Variants in RBMS3 observed in about 807,000 individuals in gnomAD.
RBMS3 encodes RNA-binding motif, single-stranded-interacting protein 3.
In RBMS3, 27 loss-of-function variants were observed where a neutral mutation model predicts 66.8. The observed-to-expected ratio is 0.40, with a 90% CI of 0.30 to 0.56. RBMS3 has a LOEUF of 0.56. RBMS3 is among the 20% of genes least tolerant of loss of function. The probability of loss-of-function intolerance (pLI) is 0.40; values close to 1 mark genes in which losing one functional copy is unlikely to be tolerated. For missense variants in RBMS3, 513 were observed against 549.5 expected (o/e 0.93, Z 0.66); for synonymous variants, 188 against 183.0 (o/e 1.03, Z -0.22).
chr3:29,684,779 T>TACACACACAC (rs10570309), intron 4 of RBMS3, among the ~76,000 whole-genome samples: 157 of 145,764 alleles, frequency 1.1e-3, no homozygotes, highest in African/African-American at 3.3e-3. Flanking sequence ...GTTTGTTATG[T>TACACACACAC]ACACACACAC....
At chr3:29,659,917 G>A (rs1173269420) in intron 4 of RBMS3, among the ~76,000 whole-genome samples, 5 of 152,098 alleles carry the variant, frequency 3.3e-5, no homozygotes, top group Non-Finnish European at 7.4e-5. Context: ...TTTCTTGATA[G>A]CAGCCATCCT....
chr3:30,003,778 C>A, intron 14 of RBMS3, 78 bp from the exon 15 acceptor site: 1 of 1,045,800 alleles, frequency 9.6e-7, no homozygotes, highest in East Asian at 2.8e-5. Flanking sequence ...TTAAAGCTGC[C>A]TCATTGGAAA....
chr3:29,786,283 A>C (rs1376424667), intron 6 of RBMS3, among the ~76,000 whole-genome samples: 1 of 152,138 alleles, frequency 6.6e-6, no homozygotes, highest in Non-Finnish European at 1.5e-5. Flanking sequence ...GTAAAAATTC[A>C]GTGCAATTCC....
At chr3:29,888,395 C>A in intron 8 of RBMS3, among the ~76,000 whole-genome samples, 1 of 151,704 alleles carries the variant, frequency 6.6e-6, no homozygotes, top group East Asian at 1.9e-4. Context: ...TCTTTCCTCA[C>A]TTTATTTTCT....
intron 3 of RBMS3, among the ~76,000 whole-genome samples, chr3:29,535,710 C>CTGTTTTTT (rs2045527677): frequency 2.5e-5 from 1 of 39,732 alleles, no homozygotes; most frequent in Admixed American, 5.1e-4. Flanking sequence ...GATCATTGCT[C>CTGTTTTTT]TTTTTTTTTT....
At chr3:29,344,614 A>C (rs1257476907) in intron 1 of RBMS3, among the ~76,000 whole-genome samples, 1 of 152,086 alleles carries the variant, frequency 6.6e-6, no homozygotes, top group African/African-American at 2.4e-5. Flanking sequence ...TCAATTAGCT[A>C]TTATGTGCAA....
intron 4 of RBMS3, among the ~76,000 whole-genome samples, chr3:29,719,931 A>T (rs79226441): frequency 2.9e-4 from 42 of 146,492 alleles, no homozygotes; most frequent in African/African-American, 9.8e-4. Context: ...TTACAGATAC[A>T]TTTTTTTTTT....
At chr3:29,438,028 T>TTTTC (rs146912044) in intron 2 of RBMS3, among the ~76,000 whole-genome samples, 4,090 of 142,490 alleles carry the variant, frequency 0.029, 105 homozygotes, top group East Asian at 0.14. Flanking sequence ...CCTTGCTTGT[T>TTTTC]TCTCTCTCTC....
At chr3:29,602,088 T>G (rs779726350) in intron 4 of RBMS3, among the ~76,000 whole-genome samples, 6 of 152,060 alleles carry the variant, frequency 3.9e-5, no homozygotes, top group Non-Finnish European at 8.8e-5. Context: ...TTCTGTTTCA[T>G]ACTCCTCTTG....
At chr3:29,942,463 C>T (rs2061414114) in intron 11 of RBMS3, among the ~76,000 whole-genome samples, 1 of 151,624 alleles carries the variant, frequency 6.6e-6, no homozygotes, top group African/African-American at 2.4e-5. Flanking sequence ...TTTGAGGTTA[C>T]AGTGAGCTAT....
At chr3:29,816,563 C>T (rs1447061518) in intron 6 of RBMS3, among the ~76,000 whole-genome samples, 1 of 151,972 alleles carries the variant, frequency 6.6e-6, no homozygotes, top group Non-Finnish European at 1.5e-5. Flanking sequence ...TTGTTATTTG[C>T]TCTGTTGAAG....
intron 1 of RBMS3, among the ~76,000 whole-genome samples, chr3:29,303,803 C>T (rs546147059): frequency 4.8e-4 from 73 of 151,954 alleles, no homozygotes; most frequent in South Asian, 1.0e-3. Context: ...CAGAGATAAC[C>T]GACACTGGGA....
chr3:29,633,926 T>C (rs1027702587), intron 4 of RBMS3, among the ~76,000 whole-genome samples: 2 of 151,932 alleles, frequency 1.3e-5, no homozygotes, highest in East Asian at 3.9e-4. Context: ...CATCTTTTTT[T>C]CTAAAAGAGC....
chr3:29,814,634 T>G (rs2057825827), intron 6 of RBMS3, among the ~76,000 whole-genome samples: 1 of 152,232 alleles, frequency 6.6e-6, no homozygotes, highest in South Asian at 2.1e-4. Flanking sequence ...GTTGGTAAGC[T>G]ACTGATTATT....
rs543438035 is a variant in RBMS3, at chr3:29,450,010, A to G, written c.248+15095A>G. On this transcript the variant is annotated intron_variant, in intron 2 of 14. Coordinates refer to ENST00000383767, the MANE Select transcript of RBMS3 (RefSeq NM_001003793.3). ...GGAGCAGCATATTTCATGTTATTTC[A>G]ATTGAGAGTTTTCTGGGAAAACTGA... Among the ~76,000 whole-genome samples the G allele has an allele frequency of 1.7e-3, 261 of 152,262 alleles. 1 individual carries two copies. Among genetic ancestry groups the G allele is most frequent in the African/African-American group, 6.0e-3 (250 of 41,550 alleles).
At chr3:29,482,739 G>T (rs1401518817) in intron 2 of RBMS3, among the ~76,000 whole-genome samples, 1 of 104,218 alleles carries the variant, frequency 9.6e-6, no homozygotes, top group East Asian at 3.4e-4. Context: ...ACGGAGTGTC[G>T]CTCTGTCACC....
chr3:29,413,403 TAC>T (rs2040356285), intron 1 of RBMS3, among the ~76,000 whole-genome samples: 13 of 150,962 alleles, frequency 8.6e-5, no homozygotes, highest in African/African-American at 3.2e-4. Context: ...CATACATACA[TAC>T]ATACATACAT....
intron 6 of RBMS3, among the ~76,000 whole-genome samples, chr3:29,864,153 G>A (rs1464208810): frequency 6.6e-6 from 1 of 152,152 alleles, no homozygotes; most frequent in Non-Finnish European, 1.5e-5. Flanking sequence ...CTATTACTAT[G>A]TAGATGGCTC....
At chr3:29,879,309 C>T (rs1168493935) in intron 7 of RBMS3, among the ~76,000 whole-genome samples, 1 of 152,010 alleles carries the variant, frequency 6.6e-6, no homozygotes, top group Non-Finnish European at 1.5e-5. Context: ...GTAGCAGTAC[C>T]TAGATGTTTA....
Sources: gnomAD v4.1 joint callset for allele counts (sites outside exome capture counted in the v4.1 genomes callset) on GRCh38, gnomAD v4.1.1 for gene constraint, MANE v1.5 for transcripts, NCBI Gene and HGNC (gene_info 2026-07-23, HGNC 2026-07-21) for gene names.